The following SLC8A1 variants were observed in gnomAD, a reference collection of about 807,000 sequenced individuals.
The protein encoded by SLC8A1 is solute carrier family 8 member A1.
SLC8A1 carries 18 observed loss-of-function variants against 68.3 expected under a neutral mutation model. The ratio of observed to expected loss-of-function variants is 0.26; its 90% CI spans 0.18 to 0.39. The LOEUF is 0.39. Ranked by LOEUF, SLC8A1 falls within the 10% of genes least tolerant of loss-of-function variation. The pLI, the probability that SLC8A1 is intolerant of heterozygous loss-of-function variation, is 1.00. For synonymous variants in SLC8A1, 475 were observed against 415.5 expected (o/e 1.14, Z -1.74); for missense variants, 985 against 1,156.7 (o/e 0.85, Z 2.15).
At chr2:40,252,109 CTT>C (rs887778853) in intron 2 of SLC8A1, among the ~76,000 whole-genome samples, 3 of 152,124 alleles carry the variant, frequency 2.0e-5, no homozygotes, top group Non-Finnish European at 2.9e-5. Flanking sequence ...TATTTTCCCT[CTT>C]TTAATTTTCA....
At position 40,451,889 on chromosome 2, in the gene SLC8A1, A is replaced by T. The variant is rs1037138323; in HGVS notation, c.-25+15T>A. On this transcript the variant is annotated intron_variant, in intron 1 of 7. Transcript: ENST00000406785. ...CTGACTAAATGCCTTCTGCCTGTCC[A>T]TCATAAGATCCTACCTGGTTTGGGG... is the stretch of plus-strand genomic sequence containing the variant. 2.0e-5 allele frequency: 3 copies of T among 152,246 alleles called. No individual in the cohort carries two copies. Among genetic ancestry groups the T allele is most frequent in the African/African-American group, 4.8e-5 (2 of 41,424 alleles). The allele number at this position is 152,246 out of a possible 1,614,324, so 9.4% of individuals were successfully genotyped here.
chr2:40,494,935 G>T (rs1705594142), intron 1 of SLC8A1, among the ~76,000 whole-genome samples: 1 of 151,262 alleles, frequency 6.6e-6, no homozygotes, highest in African/African-American at 2.4e-5. Context: ...TAAACCTAGT[G>T]ATATTTTTAT....
chr2:40,486,843 G>T (rs1378431933), intron 1 of SLC8A1, among the ~76,000 whole-genome samples: 1 of 149,652 alleles, frequency 6.7e-6, no homozygotes, highest in Non-Finnish European at 1.5e-5. Flanking sequence ...ATTTACATTA[G>T]GTATATCTCC....
chr2:40,334,716 T>C (rs565783240), intron 2 of SLC8A1, among the ~76,000 whole-genome samples: 5 of 152,298 alleles, frequency 3.3e-5, no homozygotes, highest in East Asian at 1.9e-4. Flanking sequence ...TATCAGATCA[T>C]TGATCAAATG....
rs558450858 is a variant in SLC8A1 at position 40,356,136 on chromosome 2, T to C, written c.1808+72337A>G. On this transcript the variant is annotated intron_variant, in intron 2 of 7. Coordinates refer to ENST00000406785, the Ensembl canonical transcript of SLC8A1. ...TCACCTCCTCTCAGTCTGGATTATG[T>C]GTCCTACCCACCCCCAGTTAAACAG... Among the ~76,000 whole-genome samples, 4 of 152,304 alleles carry C rather than the reference T, an allele frequency of 2.6e-5. No homozygotes were observed. The East Asian group carries it at 7.7e-4, about 29-fold the overall frequency.
At chr2:40,220,511 TG>T (rs2148835294) in intron 2 of SLC8A1, 2 of 152,358 alleles carry the variant, frequency 1.3e-5, no homozygotes, top group South Asian at 4.1e-4. Flanking sequence ...GCTGGCTAGC[TG>T]ATCTGGAGAC....
intron 1 of SLC8A1, among the ~76,000 whole-genome samples, chr2:40,430,556 T>C (rs553434393): frequency 6.6e-6 from 1 of 152,302 alleles, no homozygotes; most frequent in South Asian, 2.1e-4. Context: ...TTACTACATG[T>C]AGTACCCATT....
At chr2:40,502,733 T>A (rs1212304221) in intron 1 of SLC8A1, among the ~76,000 whole-genome samples, 1 of 152,024 alleles carries the variant, frequency 6.6e-6, no homozygotes. Context: ...ACATTAATTA[T>A]CTACTTTGGG....
exon 8 of SLC8A1, chr2:40,111,228 G>C (rs1434883150): frequency 1.3e-5 from 2 of 152,150 alleles, no homozygotes; most frequent in Admixed American, 1.3e-4. Context: ...AAATTTGCTT[G>C]TAAGAAACTG....
chr2:40,269,167 A>G (rs184714955), intron 2 of SLC8A1, among the ~76,000 whole-genome samples: 2 of 152,352 alleles, frequency 1.3e-5, no homozygotes, highest in East Asian at 1.9e-4. Flanking sequence ...TACTTCGTCA[A>G]TCAATCCAGG....
intron 1 of SLC8A1, among the ~76,000 whole-genome samples, chr2:40,493,322 A>G (rs112997784): frequency 8.6e-6 from 1 of 115,944 alleles, no homozygotes; most frequent in East Asian, 3.1e-4. Flanking sequence ...AGGAAGGGGA[A>G]CATCACTCTC....
intron 2 of SLC8A1, among the ~76,000 whole-genome samples, chr2:40,401,706 G>T (rs1688808973): frequency 6.6e-6 from 1 of 150,716 alleles, no homozygotes; most frequent in African/African-American, 2.4e-5. Flanking sequence ...TACATTTAGT[G>T]TAAGATTTTG....
chr2:40,419,743 C>A (rs1192644908), intron 2 of SLC8A1, among the ~76,000 whole-genome samples: 2 of 152,104 alleles, frequency 1.3e-5, no homozygotes, highest in Non-Finnish European at 2.9e-5. Context: ...AAGAATTAAA[C>A]CCTATGCAAA....
chr2:40,107,168 C>G (rs2034252477), exon 8 of SLC8A1: 1 of 147,392 alleles, frequency 6.8e-6, no homozygotes, highest in Non-Finnish European at 1.5e-5. Flanking sequence ...CCCAGCACAC[C>G]AAAACACGTG....
chr2:40,426,727 T>C (rs1696947976), intron 2 of SLC8A1, among the ~76,000 whole-genome samples: 1 of 152,036 alleles, frequency 6.6e-6, no homozygotes, highest in Non-Finnish European at 1.5e-5. Context: ...AGGGCTACCC[T>C]TATGAGTTCA....
intron 1 of SLC8A1, among the ~76,000 whole-genome samples, chr2:40,450,994 G>A (rs1045076192): frequency 1.3e-5 from 2 of 151,976 alleles, no homozygotes; most frequent in African/African-American, 2.4e-5. Flanking sequence ...AGAGGCGGGG[G>A]TGATGCAGGG....
intron 2 of SLC8A1, among the ~76,000 whole-genome samples, chr2:40,347,629 C>A (rs142900793): frequency 2.9e-4 from 44 of 152,318 alleles, no homozygotes; most frequent in African/African-American, 1.0e-3. Context: ...GGTACTAAGA[C>A]TTCTAATTGT....
chr2:40,295,198 C>G (rs968840650), intron 2 of SLC8A1, among the ~76,000 whole-genome samples: 4 of 151,992 alleles, frequency 2.6e-5, no homozygotes, highest in Non-Finnish European at 5.9e-5. Context: ...CTCTTGGGCT[C>G]AAGTGATCCT....
At chr2:40,449,148 TAAAAAA>T (rs563163544) in intron 1 of SLC8A1, among the ~76,000 whole-genome samples, 1 of 129,594 alleles carries the variant, frequency 7.7e-6, no homozygotes, top group Non-Finnish European at 1.7e-5. Flanking sequence ...ATTGCAACAT[TAAAAAA>T]AAAAAACAAA....
Sources: allele counts gnomAD v4.1 joint callset (sites outside exome capture counted in the v4.1 genomes callset), GRCh38; gene constraint gnomAD v4.1.1; transcripts MANE v1.5; gene names NCBI Gene and HGNC (gene_info 2026-07-23, HGNC 2026-07-21).